The following GALNT14 variants were observed in gnomAD, a reference collection of about 807,000 sequenced individuals.
GALNT14 encodes the protein polypeptide N-acetylgalactosaminyltransferase 14, also known as UDP-GalNAc:polypeptide N-acetylgalactosaminyltransferase 14.
A neutral mutation model predicts 77.5 loss-of-function variants in GALNT14; 60 were observed. The ratio of observed to expected loss-of-function variants is 0.77; its 90% CI spans 0.63 to 0.96. The LOEUF is 0.96. Ranked by LOEUF, GALNT14 falls within the 40% of genes least tolerant of loss-of-function variation. The pLI is 0.00. For missense variants in GALNT14, 710 were observed against 731.0 expected (o/e 0.97, Z 0.33); for synonymous variants, 280 against 281.7 (o/e 0.99, Z 0.06).
At chr2:30,894,978 C>G in the GALNT14 span, among the ~76,000 whole-genome samples, 1 of 152,214 alleles carries the variant, frequency 6.6e-6, no homozygotes, top group African/African-American at 2.4e-5. Flanking sequence ...TGTCCATTGG[C>G]AGAGGCTGGG....
chr2:31,018,230 A>G (rs1230742201), intron 1 of GALNT14, among the ~76,000 whole-genome samples: 1 of 152,262 alleles, frequency 6.6e-6, no homozygotes, highest in Admixed American at 6.5e-5. Context: ...GCCAGCTCCG[A>G]AGGACTTGAG....
intron 13 of GALNT14, among the ~76,000 whole-genome samples, chr2:30,914,919 A>G (rs553015004): frequency 6.6e-6 from 1 of 152,320 alleles, no homozygotes; most frequent in Admixed American, 6.5e-5. Context: ...CAAAAGGTCA[A>G]ATGCAACAGC....
intron 1 of GALNT14, among the ~76,000 whole-genome samples, chr2:31,038,331 T>C (rs988505883): frequency 1.3e-5 from 2 of 151,694 alleles, no homozygotes; most frequent in Non-Finnish European, 2.9e-5. Context: ...TGACCTCCAG[T>C]AATCCACCTG....
At chr2:30,967,423 G>T (rs1668077139) in intron 2 of GALNT14, among the ~76,000 whole-genome samples, 1 of 152,090 alleles carries the variant, frequency 6.6e-6, no homozygotes, top group South Asian at 2.1e-4. Flanking sequence ...TTCTATAGGG[G>T]CATAGGCTGA....
Position 31,020,320 on chromosome 2 carries a change from T to C in GALNT14, c.130-27313A>G, listed in dbSNP as rs556636761. 1.3e-4 allele frequency among the ~76,000 whole-genome samples: 20 copies of C among 152,348 alleles called. No homozygotes were observed. The South Asian group carries it at 4.1e-3, about 32-fold the overall frequency. ...TGGAAAGCTGATTTTGCTAGAACTTTTCCATTCAAAACACAGCCATAGTTT... is the reference window on the plus strand; with the variant it reads ...TGGAAAGCTGATTTTGCTAGAACTTCTCCATTCAAAACACAGCCATAGTTT... On this transcript the variant is annotated intron_variant, in intron 1 of 14. Coordinates refer to ENST00000349752, the MANE Select transcript of GALNT14 (RefSeq NM_024572.4).
In GALNT14 at chr2:31,012,940, C is replaced by CTA. The variant is rs1169854572; in HGVS notation, c.130-19934_130-19933insTA. Among the ~76,000 whole-genome samples the CTA allele has an allele frequency of 2.4e-3, 368 of 152,288 alleles. 2 individuals carry two copies. Among genetic ancestry groups the CTA allele is most frequent in the African/African-American group, 8.5e-3 (354 of 41,560 alleles). On this transcript the variant is annotated intron_variant, in intron 1 of 14. Transcript: ENST00000349752. The stretch of plus-strand genomic sequence containing the variant: ...TAAAGGATTAGATGATTAAATAAAG[C>CTA]AATGGAATAAAGAATGATAAAACTG...
At chr2:31,099,049 T>C (rs2194466) in intron 1 of GALNT14, among the ~76,000 whole-genome samples, 1 of 151,966 alleles carries the variant, frequency 6.6e-6, no homozygotes, top group Non-Finnish European at 1.5e-5. Context: ...AAACCCATGT[T>C]GTTCTGAATT....
chr2:30,998,362 T>C (rs1670164396), intron 1 of GALNT14, among the ~76,000 whole-genome samples: 1 of 152,150 alleles, frequency 6.6e-6, no homozygotes, highest in Non-Finnish European at 1.5e-5. Flanking sequence ...GGTGTATCCC[T>C]CCCTTCTGTT....
At chr2:30,956,123 G>A in intron 4 of GALNT14, 146 bp from the exon 5 acceptor site, 1 of 750,702 alleles carries the variant, frequency 1.3e-6, no homozygotes, top group Non-Finnish European at 2.3e-6. Context: ...TGACTCCAGG[G>A]TGTTTCCAGG....
At position 31,026,812 on chromosome 2, in the gene GALNT14, A is replaced by G. The variant is rs550113013; in HGVS notation, c.130-33805T>C. ...GATGTCCTGCTCATATACAAAGAAA[A>G]GGGATTCTGCTCCAAGTCCACAGTC... On this transcript the variant is annotated intron_variant, in intron 1 of 14. Coordinates refer to ENST00000349752, the MANE Select transcript of GALNT14 (RefSeq NM_024572.4). Among the ~76,000 whole-genome samples, 12 of 152,280 alleles carry G rather than the reference A, an allele frequency of 7.9e-5. No individual in the cohort carries two copies. The East Asian group carries it at 2.3e-3, about 29-fold the overall frequency.
chr2:30,988,615 G>A (rs1339799438), intron 2 of GALNT14, among the ~76,000 whole-genome samples: 4 of 152,102 alleles, frequency 2.6e-5, no homozygotes, highest in East Asian at 1.9e-4. Context: ...CTCTACTCTC[G>A]ACTCAGACCC....
At chr2:31,087,803 T>C (rs1458818271) in intron 1 of GALNT14, among the ~76,000 whole-genome samples, 3 of 152,172 alleles carry the variant, frequency 2.0e-5, no homozygotes, top group Admixed American at 2.0e-4. Flanking sequence ...CCCCTCCAAA[T>C]CCGTATTTTG....
At chr2:31,051,224 C>T (rs564840813) in intron 1 of GALNT14, among the ~76,000 whole-genome samples, 5 of 152,268 alleles carry the variant, frequency 3.3e-5, no homozygotes, top group East Asian at 1.9e-4. Flanking sequence ...GAAGGCATGA[C>T]GGTGAATGTT....
intron 6 of GALNT14, among the ~76,000 whole-genome samples, chr2:30,946,965 C>G (rs1480507815): frequency 6.6e-6 from 1 of 152,158 alleles, no homozygotes; most frequent in East Asian, 1.9e-4. Context: ...AAACATGCTC[C>G]CTTCCTTAAG....
At chr2:30,888,542 T>C in the GALNT14 span, among the ~76,000 whole-genome samples, 17 of 152,314 alleles carry the variant, frequency 1.1e-4, no homozygotes, top group African/African-American at 4.1e-4. Flanking sequence ...ATTAATAATG[T>C]CTACAAATCT....
At chr2:31,057,988 C>G (rs2148534187) in intron 1 of GALNT14, among the ~76,000 whole-genome samples, 1 of 152,268 alleles carries the variant, frequency 6.6e-6, no homozygotes, top group East Asian at 1.9e-4. Flanking sequence ...TGTCGGGGAC[C>G]TCTGCCAGGG....
chr2:31,082,097 C>T (rs575544264), intron 1 of GALNT14, among the ~76,000 whole-genome samples: 10 of 152,306 alleles, frequency 6.6e-5, no homozygotes, highest in African/African-American at 2.2e-4. Context: ...AGGCCAACCA[C>T]GCACCAACTA....
chr2:30,981,279 C>G (rs771781130), intron 2 of GALNT14, among the ~76,000 whole-genome samples: 2 of 152,204 alleles, frequency 1.3e-5, no homozygotes, highest in African/African-American at 4.8e-5. Flanking sequence ...TGACAGTGAT[C>G]CAGGTTTTAA....
At chr2:31,067,947 T>A (rs1184968743) in intron 1 of GALNT14, among the ~76,000 whole-genome samples, 1 of 152,126 alleles carries the variant, frequency 6.6e-6, no homozygotes, top group Non-Finnish European at 1.5e-5. Context: ...CTTGGGCCCC[T>A]CATTCTGGAA....
Sources: allele counts gnomAD v4.1 joint callset (sites outside exome capture counted in the v4.1 genomes callset), GRCh38; gene constraint gnomAD v4.1.1; transcripts MANE v1.5; gene names NCBI Gene and HGNC (gene_info 2026-07-23, HGNC 2026-07-21).